Variants in SKAP2 observed in about 807,000 individuals in gnomAD.
The protein encoded by SKAP2 is src kinase associated phosphoprotein 2.
In SKAP2, 28 loss-of-function variants were observed where a neutral mutation model predicts 54.9. The observed-to-expected ratio is 0.51, with a 90% CI of 0.38 to 0.70. The LOEUF is 0.70. Ranked by LOEUF, SKAP2 falls within the 30% of genes least tolerant of loss-of-function variation. The probability of loss-of-function intolerance (pLI) is 0.00; values close to 1 mark genes in which losing one functional copy is unlikely to be tolerated. For missense variants in SKAP2, 356 were observed against 424.1 expected (o/e 0.84, Z 1.41); for synonymous variants, 137 against 134.3 (o/e 1.02, Z -0.14).
At chr7:26,806,138 C>T (rs980578722) in intron 4 of SKAP2, among the ~76,000 whole-genome samples, 2 of 152,114 alleles carry the variant, frequency 1.3e-5, no homozygotes, top group African/African-American at 4.8e-5. Flanking sequence ...CTGACTCTTC[C>T]CCTTGTCTCT....
chr7:26,841,357 A>G (rs1784813091), intron 4 of SKAP2, among the ~76,000 whole-genome samples: 1 of 151,888 alleles, frequency 6.6e-6, no homozygotes, highest in South Asian at 2.1e-4. Flanking sequence ...AAAAAAAAAA[A>G]GGCAGGCTGA....
intron 4 of SKAP2, among the ~76,000 whole-genome samples, chr7:26,793,411 T>A (rs1783709884): frequency 6.6e-6 from 1 of 152,138 alleles, no homozygotes; most frequent in Admixed American, 6.6e-5. Flanking sequence ...AGAAGCCACT[T>A]CACCACCACA....
At chr7:26,703,625 T>C (rs1787094582) in intron 9 of SKAP2, among the ~76,000 whole-genome samples, 1 of 152,194 alleles carries the variant, frequency 6.6e-6, no homozygotes, top group African/African-American at 2.4e-5. Flanking sequence ...TTTTTTCATC[T>C]GGACAACAGA....
At chr7:26,833,541 T>G (rs879561218) in intron 4 of SKAP2, among the ~76,000 whole-genome samples, 6 of 151,672 alleles carry the variant, frequency 4.0e-5, no homozygotes, top group Admixed American at 1.3e-4. Context: ...ACCAAGCAAA[T>G]GGAAAGCAAT....
chr7:26,825,342 T>C (rs963925377), intron 4 of SKAP2, among the ~76,000 whole-genome samples: 28 of 152,154 alleles, frequency 1.8e-4, no homozygotes, highest in South Asian at 8.3e-4. Context: ...ACTGCCTCAA[T>C]TGTTTTTTAC....
chr7:26,796,440 T>C (rs1342538927), intron 4 of SKAP2, among the ~76,000 whole-genome samples: 3 of 152,370 alleles, frequency 2.0e-5, no homozygotes, highest in South Asian at 2.1e-4. Context: ...TTTTTTACCA[T>C]GTTTAGTGCA....
At chr7:26,692,762 G>T (rs1786812564) in intron 9 of SKAP2, among the ~76,000 whole-genome samples, 1 of 152,064 alleles carries the variant, frequency 6.6e-6, no homozygotes, top group African/African-American at 2.4e-5. Context: ...TAATAAATGG[G>T]TTAATAGGGT....
At chr7:26,838,256 G>C (rs1331824014) in intron 4 of SKAP2, among the ~76,000 whole-genome samples, 1 of 151,892 alleles carries the variant, frequency 6.6e-6, no homozygotes, top group African/African-American at 2.4e-5. Flanking sequence ...TTGGCATTCA[G>C]CTCCTACTAT....
At position 26,821,217 on chromosome 7, in the gene SKAP2, C is replaced by T. The variant is rs567369056; in HGVS notation, c.307+22813G>A. On this transcript the variant is annotated intron_variant, in intron 4 of 12. Transcript: ENST00000345317. ...TATTATATAAGTTGCCAGGACAAGA[C>T]ATAGTAACATAACATGATGCCTGAA... Among the ~76,000 whole-genome samples the T allele has an allele frequency of 9.9e-5, 15 of 151,898 alleles. No homozygotes were observed. The South Asian group carries it at 3.1e-3, about 32-fold the overall frequency.
At chr7:26,751,565 C>T (rs1191021918) in intron 4 of SKAP2, among the ~76,000 whole-genome samples, 2 of 152,072 alleles carry the variant, frequency 1.3e-5, no homozygotes, top group African/African-American at 4.8e-5. Context: ...TTTCCCTCTT[C>T]TGTCATTCAA....
chr7:26,656,779 T>A, the SKAP2 span, among the ~76,000 whole-genome samples: 1 of 152,142 alleles, frequency 6.6e-6, no homozygotes, highest in Non-Finnish European at 1.5e-5. Context: ...AAAGAGTTAA[T>A]ATGGGTGAAG....
chr7:26,794,132 G>T (rs945984376), intron 4 of SKAP2, among the ~76,000 whole-genome samples: 2 of 152,124 alleles, frequency 1.3e-5, no homozygotes, highest in African/African-American at 4.8e-5. Flanking sequence ...TTTTTCTCAG[G>T]AAATAGTGTA....
At chr7:26,792,179 G>C (rs908488734) in intron 4 of SKAP2, among the ~76,000 whole-genome samples, 7 of 152,188 alleles carry the variant, frequency 4.6e-5, no homozygotes, top group African/African-American at 1.7e-4. Flanking sequence ...GGTTGCCAGG[G>C]GCTGGGTGTG....
chr7:26,824,159 C>T (rs1380017784), intron 4 of SKAP2, among the ~76,000 whole-genome samples: 2 of 152,088 alleles, frequency 1.3e-5, no homozygotes, highest in Middle Eastern at 3.2e-3. Context: ...CCACAGCCCC[C>T]CAACCTTCAG....
chr7:26,851,327 C>T (rs1785037051), intron 3 of SKAP2, among the ~76,000 whole-genome samples: 1 of 151,378 alleles, frequency 6.6e-6, no homozygotes, highest in Non-Finnish European at 1.5e-5. Flanking sequence ...CTATATAGTT[C>T]CATCTACTCC....
chr7:26,827,367 T>A (rs1045722228), intron 4 of SKAP2, among the ~76,000 whole-genome samples: 1 of 152,216 alleles, frequency 6.6e-6, no homozygotes, highest in Non-Finnish European at 1.5e-5. Flanking sequence ...TGAAAAACTT[T>A]CAGCACGCTC....
intron 3 of SKAP2, among the ~76,000 whole-genome samples, chr7:26,847,237 C>T (rs888890191): frequency 4.6e-5 from 7 of 152,068 alleles, no homozygotes; most frequent in Non-Finnish European, 1.0e-4. Context: ...GCTATATATA[C>T]AGGGATAGCC....
chr7:26,808,228 T>G (rs1408511152), intron 4 of SKAP2, among the ~76,000 whole-genome samples: 1 of 152,160 alleles, frequency 6.6e-6, no homozygotes, highest in African/African-American at 2.4e-5. Flanking sequence ...TAAATGTCCA[T>G]GAACAGATGA....
At chr7:26,838,797 A>G (rs546419551) in intron 4 of SKAP2, among the ~76,000 whole-genome samples, 2 of 152,320 alleles carry the variant, frequency 1.3e-5, no homozygotes, top group South Asian at 4.1e-4. Flanking sequence ...AATCAATTGA[A>G]TATTGTAGCA....
Sources: allele counts gnomAD v4.1 joint callset (sites outside exome capture counted in the v4.1 genomes callset), GRCh38; gene constraint gnomAD v4.1.1; transcripts MANE v1.5; gene names NCBI Gene and HGNC (gene_info 2026-07-23, HGNC 2026-07-21).